PYROXD2: variants seen among roughly 807,000 people sequenced by gnomAD.
PYROXD2 encodes the protein pyridine nucleotide-disulfide oxidoreductase domain-containing protein 2.
A neutral mutation model predicts 71.1 loss-of-function variants in PYROXD2; 69 were observed. The observed-to-expected ratio is 0.97, with a 90% confidence interval of 0.80 to 1.19. The LOEUF (loss-of-function observed/expected upper bound fraction) is 1.19. Among genes scored for constraint, PYROXD2 ranks in the 50% most tolerant of loss-of-function variants. The pLI, the probability that PYROXD2 is intolerant of heterozygous loss-of-function variation, is 0.00. For missense variants in PYROXD2, 745 were observed against 748.9 expected (o/e 0.99, Z 0.06); for synonymous variants, 287 against 302.7 (o/e 0.95, Z 0.54).
intron 4 of PYROXD2, among the ~76,000 whole-genome samples, chr10:98,404,827 G>C (rs1033861609): frequency 2.6e-5 from 4 of 152,218 alleles, no homozygotes; most frequent in African/African-American, 9.6e-5. Context: ...CACTGCCACA[G>C]AATCAGACTC....
At chr10:98,408,799 A>C (rs1266335426) in intron 2 of PYROXD2, among the ~76,000 whole-genome samples, 2 of 152,242 alleles carry the variant, frequency 1.3e-5, no homozygotes, top group Admixed American at 6.5e-5. Context: ...GGACTTTTCA[A>C]AAAGCTCACT....
intron 4 of PYROXD2, among the ~76,000 whole-genome samples, chr10:98,401,253 C>CAAAAAAAA (rs751517406): frequency 8.8e-4 from 40 of 45,548 alleles, no homozygotes; most frequent in African/African-American, 3.7e-3. Context: ...GACTCTGTCT[C>CAAAAAAAA]AAAAAAAAAA....
At chr10:98,405,553 CTGTT>C (rs1360507308) in intron 4 of PYROXD2, among the ~76,000 whole-genome samples, 4 of 152,208 alleles carry the variant, frequency 2.6e-5, no homozygotes, top group African/African-American at 9.6e-5. Flanking sequence ...GAGGCAGCTG[CTGTT>C]ACTATTCCCT....
In PYROXD2 at chr10:98,400,203, C is replaced by A. The variant is rs1167319661; in HGVS notation, c.370G>T (p.Glu124Ter). Residue 124 changes from glutamate to a stop codon, truncating the protein, a stop_gained, in exon 5 of 16, where the codon GAA becomes TAA. Transcript: ENST00000370575. LOFTEE classifies it high-confidence loss of function. ...RNPYSFTPML[E>*]EGAGSKVPRC... Reference sequence around the variant, plus strand: ...GGCACCTTGCTGCCTGCACCCTCTTCCAGCATGGGGGTGAAGGAGTAGGGG... The same window carrying A: ...GGCACCTTGCTGCCTGCACCCTCTTACAGCATGGGGGTGAAGGAGTAGGGG... 1 of 1,613,098 alleles carries A rather than the reference C, an allele frequency of 6.2e-7. No homozygotes were observed. Among genetic ancestry groups the A allele is most frequent in the Admixed American group, 1.7e-5 (1 of 59,838 alleles).
Position 98,390,715 on chromosome 10 carries a change from T to A in PYROXD2, c.1175A>T (p.Asn392Ile). 6.2e-7 allele frequency: 1 copy of A among 1,609,384 alleles called. No individual in the cohort carries two copies. The highest frequency in any genetic ancestry group is 1.1e-5 in the South Asian group (1 of 90,332). Residue 392 changes from asparagine (N) to isoleucine (I), a missense_variant, in exon 12 of 16, where the codon AAT becomes ATT. By Grantham distance (149) the Asn-to-Ile change is moderately radical. Coordinates refer to ENST00000370575, the MANE Select transcript of PYROXD2 (RefSeq NM_032709.3). ...GGGCAGCGGCTGGCCCCTGGGAGCA[T>A]TGGGGGCCGCCAGGAAGCTGGGCAG... The part of the protein sequence containing the change: ...DRLPSFLAAP[N>I]APRGQPLPHH...
intron 5 of PYROXD2, among the ~76,000 whole-genome samples, chr10:98,399,551 A>T (rs978835455): frequency 6.6e-6 from 1 of 151,548 alleles, no homozygotes; most frequent in Admixed American, 6.5e-5. Context: ...ACATGTGTTC[A>T]TCCTGTCACC....
chr10:98,390,839 C>T (rs139577694), intron 11 of PYROXD2, 85 bp from the exon 12 acceptor site: 57 of 1,498,690 alleles, frequency 3.8e-5, no homozygotes, highest in East Asian at 4.6e-5. Flanking sequence ...CAGTGGCGGA[C>T]GGGAGTAGGA....
intron 10 of PYROXD2, 43 bp from the exon 11 acceptor site, chr10:98,391,125 C>T: frequency 7.9e-7 from 1 of 1,267,936 alleles, no homozygotes; most frequent in Non-Finnish European, 1.2e-6. Context: ...ATGTCCAAGG[C>T]CCCAAGGAAG....
At chr10:98,387,344 G>T in intron 13 of PYROXD2, 37 bp from the exon 14 acceptor site, 2 of 1,468,668 alleles carry the variant, frequency 1.4e-6, no homozygotes, top group Non-Finnish European at 1.9e-6. Flanking sequence ...GATGGTGTTA[G>T]GAAGAAGAGG....
intron 1 of PYROXD2, among the ~76,000 whole-genome samples, chr10:98,412,681 T>G (rs1843828624): frequency 6.6e-6 from 1 of 152,220 alleles, no homozygotes; most frequent in East Asian, 1.9e-4. Flanking sequence ...GATGCCGTTC[T>G]GTTCCTCACT....
At position 98,411,080 on chromosome 10, in the gene PYROXD2, C is replaced by T. The variant is rs999837715; in HGVS notation, c.128-122G>A. The stretch of plus-strand genomic sequence containing the variant: ...TGCCATGAAGATCCTTGGTGACCCT[C>T]CCCTCCCCTTCCCGCACTCAGATGT... On this transcript the variant is annotated intron_variant, in intron 1 of 15. Coordinates refer to ENST00000370575, the MANE Select transcript of PYROXD2 (RefSeq NM_032709.3). 3.4e-5 allele frequency: 47 copies of T among 1,387,480 alleles called. No individual in the cohort carries two copies. In the Admixed American group the frequency reaches 9.2e-4, roughly 27 times the overall value. The allele number at this position is 1,387,480 out of a possible 1,614,324, so 85.9% of individuals were successfully genotyped here.
At position 98,395,058 on chromosome 10, in the gene PYROXD2, T is replaced by G. The variant is rs181523324; in HGVS notation, c.785+138A>C. ...TGAGGGTTAAGTGGATCGTGTGTGA[T>G]GTGCCTGGCTCGGTTCCTGGCTCAC... is the stretch of plus-strand genomic sequence containing the variant. On this transcript the variant is annotated intron_variant, in intron 8 of 15. Transcript: ENST00000370575. 865 of 721,246 alleles carry G rather than the reference T, an allele frequency of 1.2e-3. 1 individual carries two copies. The highest frequency in any genetic ancestry group is 1.7e-3 in the Non-Finnish European group (702 of 405,940). The allele number at this position is 721,246 out of a possible 1,614,324, so 44.7% of individuals were successfully genotyped here. A position where few individuals can be genotyped will look rare whatever the true frequency, so the allele number is the denominator to read the frequency against.
At chr10:98,396,513 C>T (rs1007363985) in intron 6 of PYROXD2, among the ~76,000 whole-genome samples, 3 of 152,176 alleles carry the variant, frequency 2.0e-5, no homozygotes, top group African/African-American at 7.2e-5. Flanking sequence ...TCTGTATACC[C>T]TCAAGGAGGG....
intron 4 of PYROXD2, 62 bp from the exon 5 acceptor site, chr10:98,400,319 T>C (rs1843350438): frequency 6.7e-7 from 1 of 1,499,848 alleles, no homozygotes; most frequent in Non-Finnish European, 9.0e-7. Context: ...CCCATCATCT[T>C]TCTCCGATTG....
At chr10:98,403,144 GAGA>G (rs1843476034) in intron 4 of PYROXD2, among the ~76,000 whole-genome samples, 1 of 152,248 alleles carries the variant, frequency 6.6e-6, no homozygotes, top group Non-Finnish European at 1.5e-5. Context: ...CCGGGGCCAG[GAGA>G]CGGCTGGGGT....
At chr10:98,408,788 C>T (rs557926286) in intron 2 of PYROXD2, among the ~76,000 whole-genome samples, 5 of 152,312 alleles carry the variant, frequency 3.3e-5, no homozygotes, top group South Asian at 2.1e-4. Flanking sequence ...ATGCAAAAGT[C>T]GGACTTTTCA....
chr10:98,385,797 G>C (rs1842730537), intron 14 of PYROXD2, among the ~76,000 whole-genome samples: 1 of 152,078 alleles, frequency 6.6e-6, no homozygotes, highest in Non-Finnish European at 1.5e-5. Flanking sequence ...CCTCCACCCT[G>C]ACTCCTATGT....
intron 4 of PYROXD2, among the ~76,000 whole-genome samples, chr10:98,405,212 AG>A (rs1412551006): frequency 6.6e-6 from 1 of 152,200 alleles, no homozygotes; most frequent in African/African-American, 2.4e-5. Flanking sequence ...TGGAACCGGG[AG>A]GTGATCCAAG....
intron 2 of PYROXD2, chr10:98,410,735 G>A (rs896709791): frequency 4.4e-6 from 3 of 680,276 alleles, no homozygotes; most frequent in African/African-American, 1.8e-5. Flanking sequence ...GGGAGGAAAG[G>A]AGCCTGTGAT....
Sources: allele counts gnomAD v4.1 joint callset (sites outside exome capture counted in the v4.1 genomes callset), GRCh38; gene constraint gnomAD v4.1.1; transcripts MANE v1.5; gene names NCBI Gene and HGNC (gene_info 2026-07-23, HGNC 2026-07-21).